Variants in SOX5 observed in about 807,000 individuals in gnomAD.
The protein encoded by SOX5 is transcription factor SOX-5.
In SOX5, 9 loss-of-function variants were observed where a neutral mutation model predicts 92.0. That is an observed-to-expected ratio of 0.10 (90% CI 0.06 to 0.17). The LOEUF (loss-of-function observed/expected upper bound fraction) is 0.17, where lower values mean the gene tolerates loss of function less well. Ranked by LOEUF, SOX5 falls within the 10% of genes least tolerant of loss-of-function variation. The pLI, the probability that SOX5 is intolerant of heterozygous loss-of-function variation, is 1.00. For synonymous variants in SOX5, 344 were observed against 336.3 expected (o/e 1.02, Z -0.25); for missense variants, 642 against 944.5 (o/e 0.68, Z 4.20).
intron 7 of SOX5, among the ~76,000 whole-genome samples, chr12:23,651,517 C>A (rs1214740205): frequency 6.6e-6 from 1 of 151,954 alleles, no homozygotes; most frequent in African/African-American, 2.4e-5. Context: ...ACACAAAGCA[C>A]TAAAAGGTAC....
At position 24,355,360 on chromosome 12, in the gene SOX5, T is replaced by G. The variant is rs554694838; in HGVS notation, c.-174+13203A>C. Among the ~76,000 whole-genome samples the G allele has an allele frequency of 7.7e-5, 11 of 142,800 alleles. No individual in the cohort carries two copies. In the South Asian group the frequency reaches 2.5e-3, roughly 32 times the overall value. 93.7% of individuals were successfully genotyped at this position (142,800 alleles called of 152,430 possible). ...TCTCGCTCTGTCACCCAGGCTGGAG[T>G]GCAGTGGTGCAATTTCGGCTCACTG... is the stretch of plus-strand genomic sequence containing the variant. On this transcript the variant is annotated intron_variant, in intron 2 of 4. Coordinates refer to the SOX5 transcript ENST00000446891.
At chr12:23,872,163 A>G (rs1485244363) in intron 2 of SOX5, among the ~76,000 whole-genome samples, 1 of 83,524 alleles carries the variant, frequency 1.2e-5, no homozygotes, top group South Asian at 3.9e-4. Context: ...ACGCCCGGCT[A>G]ATTTTTTTTT....
intron 4 of SOX5, among the ~76,000 whole-genome samples, chr12:24,042,790 T>G (rs1297919174): frequency 6.6e-6 from 1 of 152,146 alleles, no homozygotes; most frequent in Non-Finnish European, 1.5e-5. Context: ...CATTACTATA[T>G]TCAGTCAATA....
chr12:23,753,083 T>G (rs1008230775), intron 4 of SOX5, among the ~76,000 whole-genome samples: 5 of 151,840 alleles, frequency 3.3e-5, no homozygotes, highest in Non-Finnish European at 7.4e-5. Context: ...TGACTTTAAG[T>G]GGGCATGACA....
chr12:24,234,292 C>G (rs192306585), intron 3 of SOX5, among the ~76,000 whole-genome samples: 281 of 152,292 alleles, frequency 1.8e-3, no homozygotes, highest in Non-Finnish European at 3.4e-3. Flanking sequence ...AAATTACTGA[C>G]ATTTACCATA....
At chr12:24,561,188 A>T (rs949553746) in intron 1 of SOX5, among the ~76,000 whole-genome samples, 1 of 152,178 alleles carries the variant, frequency 6.6e-6, no homozygotes, top group African/African-American at 2.4e-5. Flanking sequence ...GTTGACTGCC[A>T]CCCAGAGTGC....
chr12:24,433,441 A>G lies in SOX5; in HGVS notation c.-250-64802T>C, dbSNP rs76922333. Among the ~76,000 whole-genome samples, 455 of 152,326 alleles carry G rather than the reference A, an allele frequency of 3.0e-3. 14 individuals are homozygous for G. In the East Asian group the frequency reaches 0.036, roughly 12 times the overall value. On this transcript the variant is annotated intron_variant, in intron 1 of 4. Transcript: ENST00000446891. ...TTAACTTGATAAGAGCACTCACTTG[A>G]TTAAAGATGAACTAAGTTTGTCTTG... is the stretch of plus-strand genomic sequence containing the variant.
At chr12:24,070,198 T>C (rs996051415) in intron 4 of SOX5, among the ~76,000 whole-genome samples, 2 of 152,214 alleles carry the variant, frequency 1.3e-5, no homozygotes, top group Non-Finnish European at 2.9e-5. Flanking sequence ...ACTACATGTA[T>C]ATATTTATGC....
At chr12:24,371,223 C>A (rs950098209) in intron 1 of SOX5, among the ~76,000 whole-genome samples, 1 of 152,322 alleles carries the variant, frequency 6.6e-6, no homozygotes, top group Non-Finnish European at 1.5e-5. Context: ...TATAGGCAGC[C>A]TCTAGGGCCT....
intron 3 of SOX5, among the ~76,000 whole-genome samples, chr12:23,830,583 T>G (rs1568139800): frequency 6.6e-6 from 1 of 152,142 alleles, no homozygotes; most frequent in Non-Finnish European, 1.5e-5. Context: ...CCTCTGCCAA[T>G]TAAAGTATCT....
chr12:24,005,775 A>G (rs1029545099), intron 4 of SOX5, among the ~76,000 whole-genome samples: 1 of 152,226 alleles, frequency 6.6e-6, no homozygotes, highest in African/African-American at 2.4e-5. Context: ...GTCACCATGC[A>G]TGACAGAACT....
chr12:24,463,841 C>A (rs1222903865), intron 1 of SOX5, among the ~76,000 whole-genome samples: 1 of 152,148 alleles, frequency 6.6e-6, no homozygotes, highest in Non-Finnish European at 1.5e-5. Flanking sequence ...ACACTGACAT[C>A]TATACTCTTG....
At chr12:24,371,658 T>A (rs1348844393) in intron 1 of SOX5, among the ~76,000 whole-genome samples, 2 of 152,176 alleles carry the variant, frequency 1.3e-5, no homozygotes. Context: ...CCACTCTGAA[T>A]AACGAATACA....
intron 4 of SOX5, among the ~76,000 whole-genome samples, chr12:24,198,162 C>T (rs1350575216): frequency 6.6e-6 from 1 of 150,670 alleles, no homozygotes; most frequent in Non-Finnish European, 1.5e-5. Context: ...CAAAAGTTAG[C>T]AATGCATGTG....
At chr12:24,150,357 T>C (rs1448124305) in intron 4 of SOX5, among the ~76,000 whole-genome samples, 1 of 152,156 alleles carries the variant, frequency 6.6e-6, no homozygotes, top group Non-Finnish European at 1.5e-5. Context: ...TACAGAAGAA[T>C]AGATTTTGGT....
intron 4 of SOX5, among the ~76,000 whole-genome samples, chr12:24,109,166 T>C (rs1344388268): frequency 6.6e-6 from 1 of 152,124 alleles, no homozygotes; most frequent in Non-Finnish European, 1.5e-5. Flanking sequence ...ATTTTGAGAG[T>C]ATGTCTTTAA....
Position 23,647,904 on chromosome 12 carries a change from G to A in SOX5, c.932-7007C>T, listed in dbSNP as rs545878169. 1.3e-4 allele frequency among the ~76,000 whole-genome samples: 20 copies of A among 152,272 alleles called. No homozygotes were observed. The South Asian group carries it at 3.5e-3, about 27-fold the overall frequency. On this transcript the variant is annotated intron_variant, in intron 7 of 14. Transcript: ENST00000451604. The stretch of plus-strand genomic sequence containing the variant: ...TGTTTCACTTTCTTATTATTTGTGT[G>A]TTCACTGGCATAGCACTTTTAATTT...
At chr12:24,485,907 A>G (rs138853083) in intron 1 of SOX5, among the ~76,000 whole-genome samples, 2 of 152,244 alleles carry the variant, frequency 1.3e-5, no homozygotes, top group African/African-American at 4.8e-5. Flanking sequence ...GAGATGCAAC[A>G]TATATAAAAG....
chr12:24,004,842 C>A (rs1396810751), intron 4 of SOX5, among the ~76,000 whole-genome samples: 1 of 150,678 alleles, frequency 6.6e-6, no homozygotes, highest in Admixed American at 6.6e-5. Flanking sequence ...CACAATAGAC[C>A]AAAAAAAATT....
Sources: allele counts gnomAD v4.1 joint callset (sites outside exome capture counted in the v4.1 genomes callset), GRCh38; gene constraint gnomAD v4.1.1; transcripts MANE v1.5; gene names NCBI Gene and HGNC (gene_info 2026-07-23, HGNC 2026-07-21).